The following KCNH5 variants were observed in gnomAD, a reference collection of about 807,000 sequenced individuals.
KCNH5 encodes potassium voltage-gated channel subfamily H member 5, also known as voltage-gated delayed rectifier potassium channel KCNH5.
In KCNH5, 46 loss-of-function variants were observed where a neutral mutation model predicts 96.1. The ratio of observed to expected loss-of-function variants is 0.48; its 90% confidence interval spans 0.38 to 0.61. The LOEUF is 0.61. Ranked by LOEUF, KCNH5 falls within the 20% of genes least tolerant of loss-of-function variation. KCNH5 has a pLI of 0.00. For synonymous variants in KCNH5, 439 were observed against 449.8 expected (o/e 0.98, Z 0.30); for missense variants, 907 against 1,225.8 (o/e 0.74, Z 3.88).
rs1891906208 is a variant in KCNH5, at chr14:63,045,387, C to A, written c.-201G>T. 5.0e-6 allele frequency: 3 copies of A among 599,810 alleles called. No individual in the cohort carries two copies. The East Asian group carries it at 8.3e-5, about 17-fold the overall frequency. 37.2% of individuals were successfully genotyped at this position (599,810 alleles called of 1,614,324 possible). On this transcript the variant is annotated 5_prime_UTR_variant, in exon 1 of 11. The change abolishes an upstream ATG in the 5' untranslated region. Coordinates refer to ENST00000322893, the MANE Select transcript of KCNH5 (RefSeq NM_139318.5). ...CTCTGGGGAGGAGGACCAGGCAGTT[C>A]ATGGTAGTAGCGCTCCCCCGGCCGC...
At chr14:62,742,122 C>T (rs566863707) in intron 10 of KCNH5, among the ~76,000 whole-genome samples, 2 of 152,008 alleles carry the variant, frequency 1.3e-5, no homozygotes, top group African/African-American at 2.4e-5. Flanking sequence ...GAGAGTACAA[C>T]ATATTTTAGA....
intron 7 of KCNH5, among the ~76,000 whole-genome samples, chr14:62,909,049 T>C (rs1889094218): frequency 8.4e-6 from 1 of 118,452 alleles, no homozygotes; most frequent in Non-Finnish European, 1.8e-5. Flanking sequence ...TTTTTTTTTT[T>C]TTTTTTTTTT....
intron 6 of KCNH5, among the ~76,000 whole-genome samples, chr14:62,978,337 G>T (rs1455651124): frequency 6.6e-6 from 1 of 152,196 alleles, no homozygotes; most frequent in Non-Finnish European, 1.5e-5. Context: ...CACACAGCAC[G>T]TGTTGATGAA....
intron 7 of KCNH5, among the ~76,000 whole-genome samples, chr14:62,946,117 G>A (rs1165229238): frequency 1.3e-5 from 2 of 152,050 alleles, no homozygotes; most frequent in South Asian, 2.1e-4. Flanking sequence ...AGAGATGATG[G>A]TGACTTGGTC....
At chr14:63,006,169 ATTCCTCAAAAGGTTACTTT>A (rs1891121311) in intron 3 of KCNH5, among the ~76,000 whole-genome samples, 178 bp downstream of exon 3, 1 of 152,162 alleles carries the variant, frequency 6.6e-6, no homozygotes, top group South Asian at 2.1e-4. Flanking sequence ...TTTTTCTTCC[ATTCCTCAAAAGGTTACTTT>A]CCATAGGTAG....
chr14:62,764,565 G>A (rs540822213), intron 10 of KCNH5, among the ~76,000 whole-genome samples: 2 of 152,216 alleles, frequency 1.3e-5, no homozygotes, highest in South Asian at 4.1e-4. Context: ...TCCAAACAGG[G>A]AGAGGAAGTC....
chr14:62,888,069 G>A (rs1888633794), intron 7 of KCNH5, among the ~76,000 whole-genome samples: 1 of 152,100 alleles, frequency 6.6e-6, no homozygotes, highest in Non-Finnish European at 1.5e-5. Flanking sequence ...AAAAATGTTG[G>A]CATGCTAATT....
chr14:62,725,779 ATC>A (rs1284430377), intron 10 of KCNH5, among the ~76,000 whole-genome samples: 2 of 152,182 alleles, frequency 1.3e-5, no homozygotes, highest in Admixed American at 6.5e-5. Context: ...ATCCTGCAGG[ATC>A]TTTTTGCAGA....
intron 1 of KCNH5, among the ~76,000 whole-genome samples, chr14:63,024,469 C>T (rs564611618): frequency 2.4e-4 from 37 of 151,846 alleles, no homozygotes; most frequent in African/African-American, 8.9e-4. Flanking sequence ...ACTAGAAAAA[C>T]AACTTTAAAA....
intron 10 of KCNH5, among the ~76,000 whole-genome samples, chr14:62,763,056 G>C (rs757596078): frequency 6.6e-5 from 10 of 152,112 alleles, no homozygotes; most frequent in Admixed American, 2.0e-4. Context: ...AAAGGCATCT[G>C]CAGAACACTC....
chr14:62,782,207 T>C (rs775626501), intron 9 of KCNH5, among the ~76,000 whole-genome samples: 1 of 151,740 alleles, frequency 6.6e-6, no homozygotes, highest in Non-Finnish European at 1.5e-5. Context: ...AATAGAGAGG[T>C]TGAGTGAGTG....
chr14:62,980,798 G>A (rs1890590626), intron 6 of KCNH5, 74 bp downstream of exon 6: 5 of 1,465,506 alleles, frequency 3.4e-6, no homozygotes, highest in African/African-American at 1.4e-5. Flanking sequence ...TGGATTATCT[G>A]TGGAATCCAT....
intron 1 of KCNH5, among the ~76,000 whole-genome samples, chr14:63,033,471 G>T (rs1891666322): frequency 6.6e-6 from 1 of 152,018 alleles, no homozygotes. Context: ...CTTTAGAAAG[G>T]CCTCCCAATT....
intron 8 of KCNH5, among the ~76,000 whole-genome samples, chr14:62,817,092 T>A (rs907383546): frequency 1.5e-5 from 2 of 137,682 alleles, no homozygotes; most frequent in Non-Finnish European, 3.1e-5. Context: ...ATATTATATA[T>A]TATATATAAT....
intron 6 of KCNH5, among the ~76,000 whole-genome samples, chr14:62,956,346 T>C: frequency 6.6e-6 from 1 of 152,208 alleles, no homozygotes; most frequent in East Asian, 1.9e-4. Context: ...TCTCCCTTTG[T>C]TGGGAGAGGG....
At chr14:62,866,443 T>C (rs565652289) in intron 7 of KCNH5, among the ~76,000 whole-genome samples, 1 of 152,318 alleles carries the variant, frequency 6.6e-6, no homozygotes, top group South Asian at 2.1e-4. Context: ...TACCAAATGT[T>C]CACCTTTTCA....
In KCNH5 at chr14:62,884,796, G is replaced by A. The variant is rs191761003; in HGVS notation, c.1370-34944C>T. ...TCAGAATGTGGAAAATATTAAAGAT[G>A]AAAACATTTCAGTTTGAATTAGTGC... is the stretch of plus-strand genomic sequence containing the variant. On this transcript the variant is annotated intron_variant, in intron 7 of 10. Transcript: ENST00000322893. 7.3e-4 allele frequency among the ~76,000 whole-genome samples: 111 copies of A among 152,234 alleles called. 1 individual carries two copies. Among genetic ancestry groups the A allele is most frequent in the Non-Finnish European group, 1.2e-3 (83 of 68,006 alleles).
chr14:62,785,555 T>A (rs1886303714), intron 9 of KCNH5, among the ~76,000 whole-genome samples: 1 of 152,218 alleles, frequency 6.6e-6, no homozygotes, highest in Admixed American at 6.5e-5. Context: ...CTCAAAGTAC[T>A]AAAATTAGTA....
At chr14:62,975,008 C>T (rs1890474902) in intron 6 of KCNH5, among the ~76,000 whole-genome samples, 1 of 152,110 alleles carries the variant, frequency 6.6e-6, no homozygotes, top group Non-Finnish European at 1.5e-5. Context: ...ATCCCTTTTC[C>T]CATTTATTCC....
Sources: allele counts gnomAD v4.1 joint callset (sites outside exome capture counted in the v4.1 genomes callset), GRCh38; gene constraint gnomAD v4.1.1; transcripts MANE v1.5; gene names NCBI Gene and HGNC (gene_info 2026-07-23, HGNC 2026-07-21).